The following ACKR2 variants were observed in gnomAD, a reference collection of about 807,000 sequenced individuals.
ACKR2 encodes atypical chemokine receptor 2, also known as C-C chemokine receptor D6.
For synonymous variants in ACKR2, 207 were observed against 192.2 expected (o/e 1.08, Z -0.64); for missense variants, 457 against 477.3 (o/e 0.96, Z 0.40).
intron 2 of ACKR2, among the ~76,000 whole-genome samples, chr3:42,859,954 A>T (rs1404395471): frequency 1.3e-5 from 2 of 152,014 alleles, no homozygotes; most frequent in East Asian, 3.9e-4. Flanking sequence ...ACCAGCTAGC[A>T]TCATAATGAC....
chr3:42,824,297 T>A (rs1035358946), intron 2 of ACKR2, among the ~76,000 whole-genome samples: 7 of 152,176 alleles, frequency 4.6e-5, no homozygotes, highest in South Asian at 2.1e-4. Context: ...TATTTTTAAA[T>A]TTTTTTAAAA....
chr3:42,832,348 G>A (rs1700939340), intron 2 of ACKR2, among the ~76,000 whole-genome samples: 1 of 152,020 alleles, frequency 6.6e-6, no homozygotes, highest in Non-Finnish European at 1.5e-5. Context: ...AATTGGCTGG[G>A]TATAGTGGTG....
chr3:42,851,316 G>A, intron 2 of ACKR2: 2 of 971,158 alleles, frequency 2.1e-6, no homozygotes, highest in South Asian at 4.8e-5. Context: ...GATATACATA[G>A]GCTGCTGTCC....
chr3:42,860,313 A>C (rs1477113835), intron 2 of ACKR2, among the ~76,000 whole-genome samples: 3 of 152,134 alleles, frequency 2.0e-5, no homozygotes, highest in Non-Finnish European at 4.4e-5. Context: ...ACTATCCTAA[A>C]TATATATGCA....
intron 2 of ACKR2, among the ~76,000 whole-genome samples, chr3:42,839,694 A>G (rs1271380471): frequency 6.6e-6 from 1 of 152,186 alleles, no homozygotes; most frequent in African/African-American, 2.4e-5. Flanking sequence ...ACTTTTTGGT[A>G]CATCAGGCTG....
Position 42,832,597 on chromosome 3 carries a change from G to A in ACKR2, c.-38+12886G>A, listed in dbSNP as rs1483947789. Among the ~76,000 whole-genome samples the A allele has an allele frequency of 2.0e-5, 3 of 152,264 alleles. No homozygotes were observed. The East Asian group carries it at 5.8e-4, about 29-fold the overall frequency. On this transcript the variant is annotated intron_variant, in intron 2 of 2. Coordinates refer to ENST00000422265, the MANE Select transcript of ACKR2 (RefSeq NM_001296.5). Reference sequence around the variant, plus strand: ...CTGCACCAGTTCATCTATCAGATTAGGGCACTCCATCACCGCATACGGAAC... The same window carrying A: ...CTGCACCAGTTCATCTATCAGATTAAGGCACTCCATCACCGCATACGGAAC...
intron 2 of ACKR2, among the ~76,000 whole-genome samples, chr3:42,864,017 T>A (rs980780435): frequency 5.9e-5 from 9 of 151,958 alleles, no homozygotes; most frequent in African/African-American, 1.7e-4. Flanking sequence ...ATAAACAAAA[T>A]TTTTTAAAAA....
intron 2 of ACKR2, among the ~76,000 whole-genome samples, chr3:42,837,643 G>A (rs1159495147): frequency 3.3e-5 from 5 of 152,032 alleles, no homozygotes; most frequent in South Asian, 2.1e-4. Flanking sequence ...GATGGTGCCC[G>A]CCCACATTAG....
At chr3:42,854,052 A>G (rs1701192215) in intron 2 of ACKR2, among the ~76,000 whole-genome samples, 1 of 152,050 alleles carries the variant, frequency 6.6e-6, no homozygotes, top group South Asian at 2.1e-4. Context: ...TCTTGGCTGT[A>G]GGTAGGGCGG....
intron 2 of ACKR2, among the ~76,000 whole-genome samples, chr3:42,847,646 A>T (rs982430182): frequency 6.6e-6 from 1 of 152,006 alleles, no homozygotes; most frequent in Non-Finnish European, 1.5e-5. Context: ...GGGCCAACCC[A>T]GGGCTCTCCC....
At chr3:42,846,420 CACTT>C (rs1701097754) in intron 2 of ACKR2, among the ~76,000 whole-genome samples, 1 of 152,232 alleles carries the variant, frequency 6.6e-6, no homozygotes, top group Non-Finnish European at 1.5e-5. Flanking sequence ...CTGTCCATGA[CACTT>C]ACCCACTTCC....
intron 2 of ACKR2, among the ~76,000 whole-genome samples, chr3:42,832,040 T>C (rs572214959): frequency 7.9e-5 from 12 of 152,234 alleles, no homozygotes; most frequent in Non-Finnish European, 1.6e-4. Flanking sequence ...TATGGTTTAA[T>C]GGTAGTGAAA....
chr3:42,828,087 TATATA>T (rs1251526748), intron 2 of ACKR2, among the ~76,000 whole-genome samples: 1 of 96,890 alleles, frequency 1.0e-5, no homozygotes, highest in African/African-American at 4.1e-5. Context: ...TATATATATA[TATATA>T]TTTTTTTTTT....
chr3:42,838,283 T>A (rs1701003878), intron 2 of ACKR2, among the ~76,000 whole-genome samples: 1 of 152,078 alleles, frequency 6.6e-6, no homozygotes, highest in African/African-American at 2.4e-5. Context: ...TATTTGCAAA[T>A]CATATATCTG....
At position 42,864,829 on chromosome 3, in the gene ACKR2, T is replaced by C. The variant is rs768447145; in HGVS notation, c.327T>C (p.His109=). 1.9e-6 allele frequency: 3 copies of C among 1,614,190 alleles called. No individual in the cohort carries two copies. The highest frequency in any genetic ancestry group is 1.1e-5 in the South Asian group (1 of 91,080). The change falls in exon 3 of 3, where the codon CAT becomes CAC. Residue 109 remains histidine, a synonymous_variant. Coordinates refer to ENST00000422265, the MANE Select transcript of ACKR2 (RefSeq NM_001296.5). ...LPFWGISVAW[H]WVFGSFLCKM... ...TCTGGGGCATCTCCGTGGCCTGGCA[T>C]TGGGTCTTCGGGAGTTTCTTGTGCA...
chr3:42,851,328 G>A (rs984589184), intron 2 of ACKR2: 2 of 983,942 alleles, frequency 2.0e-6, no homozygotes, highest in Non-Finnish European at 2.4e-6. Flanking sequence ...CTGCTGTCCA[G>A]AGAGGGGATG....
Position 42,866,424 on chromosome 3 carries a change from C to T in ACKR2, c.*767C>T, listed in dbSNP as rs1486353381. 1 of 158,416 alleles carries T rather than the reference C, an allele frequency of 6.3e-6. No individual in the cohort carries two copies. The highest frequency in any genetic ancestry group is 2.4e-5 in the African/African-American group (1 of 41,394). The allele number at this position is 158,416 out of a possible 1,614,324, so 9.8% of individuals were successfully genotyped here. On this transcript the variant is annotated 3_prime_UTR_variant, in exon 3 of 3. Transcript: ENST00000422265. ...TCTCTTGACCTTGGGATCCACCCGC[C>T]TTGGCCTCCCAAAGTGCTGGGATTA...
chr3:42,828,101 T>TTC (rs1553699785), intron 2 of ACKR2, among the ~76,000 whole-genome samples: 9 of 144,654 alleles, frequency 6.2e-5, no homozygotes, highest in South Asian at 2.2e-4. Context: ...TATTTTTTTT[T>TTC]TTTTCTTTTC....
Position 42,813,606 on chromosome 3 carries a change from C to T in ACKR2, c.-119+4074C>T, listed in dbSNP as rs992104282. Among the ~76,000 whole-genome samples, 9 of 152,176 alleles carry T rather than the reference C, an allele frequency of 5.9e-5. No individual in the cohort carries two copies. The East Asian group carries it at 7.7e-4, about 13-fold the overall frequency. ...GAACAGCAAGGAGAAAGTCCACCCC[C>T]GTGATCTAATCACCTCCTACCAGGC... On this transcript the variant is annotated intron_variant, in intron 1 of 2. Coordinates refer to ENST00000422265, the MANE Select transcript of ACKR2 (RefSeq NM_001296.5).
Sources: allele counts gnomAD v4.1 joint callset (sites outside exome capture counted in the v4.1 genomes callset), GRCh38; gene constraint gnomAD v4.1.1; transcripts MANE v1.5; gene names NCBI Gene and HGNC (gene_info 2026-07-23, HGNC 2026-07-21).